The following LRIG2 variants were observed in gnomAD, a reference collection of about 807,000 sequenced individuals.
LRIG2 encodes leucine rich repeats and immunoglobulin like domains 2.
A neutral mutation model predicts 107.8 loss-of-function variants in LRIG2; 93 were observed. The ratio of observed to expected loss-of-function variants is 0.86; its 90% CI spans 0.73 to 1.03. The LOEUF is 1.03. LRIG2 is among the 50% of genes least tolerant of loss of function. The pLI is 0.00. For synonymous variants in LRIG2, 471 were observed against 470.6 expected (o/e 1.00, Z -0.01); for missense variants, 1,226 against 1,296.0 (o/e 0.95, Z 0.83).
At chr1:113,087,220 T>C (rs1291748478) in intron 1 of LRIG2, among the ~76,000 whole-genome samples, 1 of 152,224 alleles carries the variant, frequency 6.6e-6, no homozygotes, top group East Asian at 1.9e-4. Context: ...AAAAAAATTA[T>C]GCAAACCACC....
At chr1:113,118,733 C>T (rs187109495) in intron 16 of LRIG2, among the ~76,000 whole-genome samples, 16 of 151,790 alleles carry the variant, frequency 1.1e-4, no homozygotes, top group African/African-American at 3.1e-4. Flanking sequence ...GGCGTGATCT[C>T]GGCTCACTGC....
intron 1 of LRIG2, among the ~76,000 whole-genome samples, chr1:113,085,036 A>G (rs1336613500): frequency 6.6e-6 from 1 of 152,248 alleles, no homozygotes; most frequent in African/African-American, 2.4e-5. Context: ...GGAGAATGGA[A>G]TAGTTAATTG....
intron 11 of LRIG2, 69 bp downstream of exon 11, chr1:113,100,557 T>C (rs569294421): frequency 1.1e-6 from 1 of 889,372 alleles, no homozygotes; most frequent in African/African-American, 1.6e-5. Flanking sequence ...TAAAGTGTGA[T>C]GGGAGTGACC....
At chr1:113,115,298 T>C (rs1654956375) in intron 15 of LRIG2, among the ~76,000 whole-genome samples, 1 of 152,172 alleles carries the variant, frequency 6.6e-6, no homozygotes, top group Non-Finnish European at 1.5e-5. Flanking sequence ...CACTGCAGCG[T>C]TGACTTCCCA....
In LRIG2 at chr1:113,126,575, A is replaced by G. The variant is rs1399504717; in HGVS notation, c.*2474A>G. ...TATTAAGGATAAAATTGATCCCTAC[A>G]TTGAATCTGAAATTACCACTATATG... On this transcript the variant is annotated 3_prime_UTR_variant, in exon 18 of 18. Coordinates refer to ENST00000361127, the MANE Select transcript of LRIG2 (RefSeq NM_014813.3). 6.6e-6 allele frequency: 1 copy of G among 152,230 alleles called. No homozygotes were observed. Among genetic ancestry groups the G allele is most frequent in the Non-Finnish European group, 1.5e-5 (1 of 68,028 alleles). The allele number at this position is 152,230 out of a possible 1,614,324, so 9.4% of individuals were successfully genotyped here.
chr1:113,101,606 G>A (rs1276926819), intron 11 of LRIG2, among the ~76,000 whole-genome samples: 2 of 152,180 alleles, frequency 1.3e-5, no homozygotes, highest in African/African-American at 2.4e-5. Flanking sequence ...GCAGTGGATT[G>A]GAAATTTAAA....
intron 15 of LRIG2, 90 bp from the exon 16 acceptor site, chr1:113,116,197 A>T: frequency 1.9e-6 from 2 of 1,071,462 alleles, no homozygotes; most frequent in Admixed American, 2.3e-5. Context: ...TCTTGCTAAT[A>T]GTATCAAAGT....
rs1256032591 is a variant in LRIG2, at chr1:113,124,062, T to C, written c.3159T>C (p.Ser1053=). 3 of 1,614,038 alleles carry C rather than the reference T, an allele frequency of 1.9e-6. No individual in the cohort carries two copies. The highest frequency in any genetic ancestry group is 1.7e-6 in the Non-Finnish European group (2 of 1,180,040). Residue 1053 remains serine (S), a synonymous_variant, in exon 18 of 18, where the codon AGT becomes AGC. Transcript: ENST00000361127. The part of the protein sequence containing the change: ...HRLQDHAFDF[S]RTRNIQDGSE... ...TACAGGATCATGCTTTTGATTTTAG[T>C]AGGACTCGGAACATTCAAGATGGTA...
In LRIG2 at chr1:113,131,853, A is replaced by C. The variant is rs1406985474; in HGVS notation, c.*7752A>C. 1.3e-5 allele frequency: 2 copies of C among 150,230 alleles called. No homozygotes were observed. Among genetic ancestry groups the C allele is most frequent in the Non-Finnish European group, 2.9e-5 (2 of 67,856 alleles). 9.3% of individuals were successfully genotyped at this position (150,230 alleles called of 1,614,324 possible). ...GTGTGTGTGTGTGTGTGAAGATGGA[A>C]TAGGGTGAAGGTGAAGAAACAGCTT... On this transcript the variant is annotated 3_prime_UTR_variant, in exon 18 of 18. Transcript: ENST00000361127.
In LRIG2 at chr1:113,100,264, T is replaced by C; in HGVS notation, c.1226T>C (p.Leu409Pro). 1 of 1,590,190 alleles carries C rather than the reference T, an allele frequency of 6.3e-7. No homozygotes were observed. The highest frequency in any genetic ancestry group is 1.1e-5 in the South Asian group (1 of 88,380). ...KSITKKAFIG[L>P]ESLEHLDLNN... is the part of the protein sequence containing the mutation. ...ATTACAAAGAAAGCATTCATTGGTC[T>C]TGAATCCCTTGAGCATCTGTAAGTA... The change falls in exon 10 of 18, where the codon CTT becomes CCT. Residue 409 changes from leucine (L) to proline (P), a missense_variant. Transcript: ENST00000361127.
chr1:113,096,020 A>G lies in LRIG2; in HGVS notation c.947+3A>G. 6.2e-7 allele frequency: 1 copy of G among 1,614,164 alleles called. No individual in the cohort carries two copies. The highest frequency in any genetic ancestry group is 1.1e-5 in the South Asian group (1 of 91,086). ...TTCTGCCAAAGACTATCCGAACTGT[A>G]AGTGTTGGATAGCATTTCACTGGAG... On this transcript the variant is annotated splice_donor_region_variant and intron_variant, in intron 7 of 17. Transcript: ENST00000361127.
At chr1:113,086,333 T>C (rs1435191507) in intron 1 of LRIG2, among the ~76,000 whole-genome samples, 9 of 152,086 alleles carry the variant, frequency 5.9e-5, no homozygotes, top group Non-Finnish European at 1.2e-4. Context: ...TAAATTATGC[T>C]AGGTACACTC....
chr1:113,131,926 T>TAA lies in LRIG2; in HGVS notation c.*7826_*7827dup, dbSNP rs1289047198. On this transcript the variant is annotated 3_prime_UTR_variant, in exon 18 of 18. Coordinates refer to ENST00000361127, the MANE Select transcript of LRIG2 (RefSeq NM_014813.3). Reference sequence around the variant, plus strand: ...AAGGAGTAAAGTGATCTACAAACTGTAACTATCTTGAAAGAGAAATTGATC... The same window carrying TAA: ...AAGGAGTAAAGTGATCTACAAACTGTAAAACTATCTTGAAAGAGAAATTGATC... 2 of 152,074 alleles carry TAA rather than the reference T, an allele frequency of 1.3e-5. No homozygotes were observed. Among genetic ancestry groups the TAA allele is most frequent in the African/African-American group, 4.8e-5 (2 of 41,422 alleles). 9.4% of individuals were successfully genotyped at this position (152,074 alleles called of 1,614,324 possible). A position where few individuals can be genotyped will look rare whatever the true frequency, so the allele number is the denominator to read the frequency against.
At position 113,125,827 on chromosome 1, in the gene LRIG2, A is replaced by C. The variant is rs1228701591; in HGVS notation, c.*1726A>C. 4.6e-5 allele frequency: 7 copies of C among 152,196 alleles called. No individual in the cohort carries two copies. Among genetic ancestry groups the C allele is most frequent in the Non-Finnish European group, 1.5e-5 (1 of 68,046 alleles). The allele number at this position is 152,196 out of a possible 1,614,324, so 9.4% of individuals were successfully genotyped here. On this transcript the variant is annotated 3_prime_UTR_variant, in exon 18 of 18. Coordinates refer to ENST00000361127, the MANE Select transcript of LRIG2 (RefSeq NM_014813.3). ...TTGCAACAGGTGTATTATTTAAATG[A>C]GTATTTGAAATTCTGTGAACAGGAA...
At position 113,093,273 on chromosome 1, in the gene LRIG2, C is replaced by G; in HGVS notation, c.373C>G (p.Leu125Val). ...AGAACCTACATCTAATATTACTCTA[C>G]TTTCATTGTAAGTTAGTAAGTTTTC... is the stretch of plus-strand genomic sequence containing the variant. ...FGEPTSNITLLSLVHNIIPEI... is the reference protein window; with the variant it reads ...FGEPTSNITLVSLVHNIIPEI... The change falls in exon 3 of 18, where the codon CTT becomes GTT. Residue 125 changes from leucine (L) to valine (V), a missense_variant. This residue lies in a region of LRIG2 where 570 missense variants were observed against 550.2 expected (regional missense o/e 1.04). Coordinates refer to ENST00000361127, the MANE Select transcript of LRIG2 (RefSeq NM_014813.3). 1.3e-6 allele frequency: 2 copies of G among 1,586,670 alleles called. No homozygotes were observed. The highest frequency in any genetic ancestry group is 1.7e-6 in the Non-Finnish European group (2 of 1,165,512).
intron 11 of LRIG2, chr1:113,103,698 T>C (rs1300042582): frequency 6.5e-6 from 1 of 153,330 alleles, no homozygotes; most frequent in Non-Finnish European, 1.5e-5. Context: ...TTTGAAGCCA[T>C]TGTCTTCACT....
At chr1:113,093,177 C>G (rs750847004) in intron 2 of LRIG2, 29 bp from the exon 3 acceptor site, 4 of 1,424,994 alleles carry the variant, frequency 2.8e-6, no homozygotes, top group Non-Finnish European at 9.8e-7. Context: ...CCTCACTAAA[C>G]ATTTAAATCT....
chr1:113,077,987 TTG>T (rs1459893748), intron 1 of LRIG2, among the ~76,000 whole-genome samples: 1 of 150,366 alleles, frequency 6.7e-6, no homozygotes, highest in Non-Finnish European at 1.5e-5. Context: ...CATGTGGTGT[TTG>T]GTTTTTTGTC....
chr1:113,111,965 A>G (rs1243018606), intron 13 of LRIG2, among the ~76,000 whole-genome samples: 2 of 152,132 alleles, frequency 1.3e-5, no homozygotes, highest in African/African-American at 4.8e-5. Context: ...TAAGTGAGAG[A>G]GTCATAGTAA....
Sources: allele counts gnomAD v4.1 joint callset (sites outside exome capture counted in the v4.1 genomes callset), GRCh38; gene constraint gnomAD v4.1.1; regional missense constraint gnomAD v4.1.1; transcripts MANE v1.5; gene names NCBI Gene and HGNC (gene_info 2026-07-23, HGNC 2026-07-21).